The following CNBD2 variants were observed in gnomAD, a reference collection of about 807,000 sequenced individuals.
CNBD2 encodes cyclic nucleotide binding domain containing 2.
CNBD2 carries 64 observed loss-of-function variants against 63.7 expected under a neutral mutation model. That is an observed-to-expected ratio of 1.00 (90% CI 0.82 to 1.24). The LOEUF is 1.24. Ranked by LOEUF, CNBD2 falls within the 50% of genes most tolerant of loss-of-function variation. CNBD2 has a pLI of 0.00. For missense variants in CNBD2, 691 were observed against 713.5 expected (o/e 0.97, Z 0.36); for synonymous variants, 229 against 255.4 (o/e 0.90, Z 0.99).
intron 1 of CNBD2, among the ~76,000 whole-genome samples, chr20:35,969,254 C>T (rs962419044): frequency 6.6e-5 from 10 of 152,184 alleles, no homozygotes; most frequent in African/African-American, 1.9e-4. Context: ...AATACTAGTA[C>T]CTACTGCATA....
chr20:35,971,706 G>A (rs1447231851), intron 1 of CNBD2, among the ~76,000 whole-genome samples: 13 of 152,176 alleles, frequency 8.5e-5, no homozygotes, highest in Admixed American at 7.2e-4. Context: ...GTGAGCCACC[G>A]CACCTGGCCT....
At chr20:35,996,502 C>CTTTTTTTTT (rs1349894287) in intron 8 of CNBD2, among the ~76,000 whole-genome samples, 1 of 146,508 alleles carries the variant, frequency 6.8e-6, no homozygotes, top group Non-Finnish European at 1.5e-5. Flanking sequence ...TAATAGCTCT[C>CTTTTTTTTT]TTTTTGTTTT....
At chr20:36,000,418 G>A (rs1331487213) in intron 8 of CNBD2, among the ~76,000 whole-genome samples, 3 of 151,664 alleles carry the variant, frequency 2.0e-5, no homozygotes, top group Admixed American at 6.6e-5. Context: ...ACTCTGTTAC[G>A]CAGGCTGGAG....
downstream of CNBD2, among the ~76,000 whole-genome samples, chr20:35,956,371 A>C (rs929666348): frequency 2.0e-5 from 3 of 152,202 alleles, no homozygotes; most frequent in Admixed American, 2.0e-4. Flanking sequence ...GAAAAAACGG[A>C]AGAGCTGGCC....
At chr20:35,975,587 A>G (rs1269664050) in intron 2 of CNBD2, among the ~76,000 whole-genome samples, 2 of 152,140 alleles carry the variant, frequency 1.3e-5, no homozygotes, top group African/African-American at 4.8e-5. Flanking sequence ...GGCGTGAGCC[A>G]CCGCGCCCAG....
intron 9 of CNBD2, among the ~76,000 whole-genome samples, chr20:36,010,403 C>T (rs1459700412): frequency 2.7e-5 from 4 of 148,646 alleles, no homozygotes; most frequent in African/African-American, 1.0e-4. Context: ...AAGATTGTGC[C>T]ACTGCACTCC....
chr20:35,976,501 G>A (rs1601024531), intron 3 of CNBD2, among the ~76,000 whole-genome samples: 2 of 152,152 alleles, frequency 1.3e-5, no homozygotes, highest in African/African-American at 2.4e-5. Flanking sequence ...GAGGTGGGAG[G>A]ATCACTTGAG....
upstream of CNBD2, chr20:35,954,458 G>T: frequency 6.5e-7 from 1 of 1,548,684 alleles, no homozygotes; most frequent in South Asian, 1.2e-5. Flanking sequence ...CTGCACCAGC[G>T]AAGCGCCTGC....
chr20:35,995,224 A>C, intron 8 of CNBD2, 72 bp downstream of exon 8: 1 of 1,016,368 alleles, frequency 9.8e-7, no homozygotes, highest in Admixed American at 1.9e-5. Flanking sequence ...CAGCACATAG[A>C]GCCTTAGAAA....
At chr20:35,969,085 G>A (rs1290558689) in intron 1 of CNBD2, among the ~76,000 whole-genome samples, 2 of 152,144 alleles carry the variant, frequency 1.3e-5, no homozygotes, top group African/African-American at 4.8e-5. Flanking sequence ...AACGAGGGAG[G>A]ATAGAGTCAG....
At chr20:35,998,133 C>T (rs2056851528) in intron 8 of CNBD2, among the ~76,000 whole-genome samples, 1 of 151,308 alleles carries the variant, frequency 6.6e-6, no homozygotes, top group South Asian at 2.1e-4. Context: ...CCTCCACCCC[C>T]CAGGTTCGAG....
At chr20:36,028,823 G>A (rs2057311533) in intron 11 of CNBD2, among the ~76,000 whole-genome samples, 1 of 152,054 alleles carries the variant, frequency 6.6e-6, no homozygotes, top group South Asian at 2.1e-4. Flanking sequence ...TTACAGGCGT[G>A]TGCCACCACA....
intron 11 of CNBD2, among the ~76,000 whole-genome samples, chr20:36,027,037 A>G (rs1199879883): frequency 6.6e-6 from 1 of 152,234 alleles, no homozygotes; most frequent in African/African-American, 2.4e-5. Flanking sequence ...AACACTGAAC[A>G]GCAAAAAAAG....
intron 9 of CNBD2, among the ~76,000 whole-genome samples, chr20:36,009,115 T>C (rs1246073489): frequency 6.6e-6 from 1 of 152,098 alleles, no homozygotes; most frequent in Non-Finnish European, 1.5e-5. Context: ...GAGGGTCGCT[T>C]GAGCCTAGGA....
At chr20:35,959,396 A>G (rs1461028099), downstream of CNBD2, 1 of 152,314 alleles carries the variant, frequency 6.6e-6, no homozygotes, top group Non-Finnish European at 1.5e-5. Flanking sequence ...TAAAGGAAAG[A>G]CGTTTAATGA....
rs1664067676 is a variant in CNBD2 at position 36,030,222 on chromosome 20, G to A, written c.1440-135G>A. ...GAAGAAAACTGTGGAAAGGGAAAGG[G>A]TGCAGAAGGAGAGTCTGGGAGGGTC... On this transcript the variant is annotated intron_variant, in intron 11 of 11. Transcript: ENST00000373973. The A allele has an allele frequency of 1.4e-5, 12 of 855,552 alleles. No individual in the cohort carries two copies. In the South Asian group the frequency reaches 1.6e-4, roughly 11 times the overall value. The allele number at this position is 855,552 out of a possible 1,614,324, so 53.0% of individuals were successfully genotyped here. A position where few individuals can be genotyped will look rare whatever the true frequency, so the allele number is the denominator to read the frequency against.
At chr20:35,985,085 A>T (rs2056650184) in intron 6 of CNBD2, among the ~76,000 whole-genome samples, 1 of 152,022 alleles carries the variant, frequency 6.6e-6, no homozygotes, top group African/African-American at 2.4e-5. Context: ...TGAACCCAGG[A>T]GTTCAAGACC....
At position 35,968,682 on chromosome 20, in the gene CNBD2, A is replaced by T; in HGVS notation, c.-81A>T. The T allele has an allele frequency of 9.7e-7, 1 of 1,028,498 alleles. No homozygotes were observed. The highest frequency in any genetic ancestry group is 1.5e-6 in the Non-Finnish European group (1 of 672,988). 63.7% of individuals were successfully genotyped at this position (1,028,498 alleles called of 1,614,324 possible). A position where few individuals can be genotyped will look rare whatever the true frequency, so the allele number is the denominator to read the frequency against. On this transcript the variant is annotated 5_prime_UTR_variant, in exon 1 of 12. Transcript: ENST00000373973. ...AGGAAATCTATTTGTTTCTAGTATT[A>T]CTGGATTTTTGGGGAAAAATTTGTA...
At chr20:35,976,456 T>A (rs771983495) in intron 3 of CNBD2, among the ~76,000 whole-genome samples, 10 of 152,128 alleles carry the variant, frequency 6.6e-5, no homozygotes, top group Non-Finnish European at 1.3e-4. Flanking sequence ...AGAGTCTTAT[T>A]CAGGTGCAGC....
Sources: allele counts gnomAD v4.1 joint callset (sites outside exome capture counted in the v4.1 genomes callset), GRCh38; gene constraint gnomAD v4.1.1; transcripts MANE v1.5; gene names NCBI Gene and HGNC (gene_info 2026-07-23, HGNC 2026-07-21).